GPC1: variants seen among roughly 807,000 people sequenced by gnomAD.
GPC1 encodes glypican 1.
GPC1 carries 26 observed loss-of-function variants against 51.5 expected under a neutral mutation model. The ratio of observed to expected loss-of-function variants is 0.50; its 90% CI spans 0.37 to 0.70. The LOEUF is 0.70. Among genes scored for constraint, GPC1 ranks in the 30% least tolerant of loss-of-function variants. The pLI is 0.00. For synonymous variants in GPC1, 380 were observed against 348.3 expected (o/e 1.09, Z -1.01); for missense variants, 775 against 800.5 (o/e 0.97, Z 0.38).
rs768455587 is a variant in GPC1, at chr2:240,464,689, G to T, written c.957G>T (p.Thr319=). The change falls in exon 5 of 9, where the codon ACG becomes ACT. Residue 319 remains threonine (T), a synonymous_variant. Coordinates refer to ENST00000264039, the MANE Select transcript of GPC1 (RefSeq NM_002081.3). The stretch of plus-strand genomic sequence containing the variant: ...AGAGTGTCATCGGCAGCGTGCACAC[G>T]TGGCTGGCGGAGGCCATCAACGCCC... ...GVESVIGSVH[T]WLAEAINALQ... is the part of the protein sequence containing the mutation. 5 of 1,612,656 alleles carry T rather than the reference G, an allele frequency of 3.1e-6. No homozygotes were observed. Among genetic ancestry groups the T allele is most frequent in the Admixed American group, 3.3e-5 (2 of 59,948 alleles).
Position 240,462,440 on chromosome 2 carries a change from T to C in GPC1, c.575T>C (p.Leu192Pro), listed in dbSNP as rs1028560427. The C allele has an allele frequency of 2.5e-6, 4 of 1,606,264 alleles. No homozygotes were observed. The highest frequency in any genetic ancestry group is 1.3e-5 in the African/African-American group (1 of 74,764). Residue 192 changes from leucine (L) to proline (P), a missense_variant, in exon 3 of 9, where the codon CTG (leucine) becomes CCG (proline). Transcript: ENST00000264039. ...CTGCCTGATGACTACCTGGACTGCC[T>C]GGGCAAGCAGGCCGAGGCGCTGCGG... ...LLLPDDYLDCLGKQAEALRPF... is the reference protein window; with the variant it reads ...LLLPDDYLDCPGKQAEALRPF...
At chr2:240,437,306 G>A (rs2151784245) in intron 1 of GPC1, among the ~76,000 whole-genome samples, 1 of 152,232 alleles carries the variant, frequency 6.6e-6, no homozygotes, top group Non-Finnish European at 1.5e-5. Context: ...TGCCCCTCCA[G>A]GAGGAACAGA....
At position 240,463,574 on chromosome 2, in the gene GPC1, T is replaced by TG. The variant is rs2074235576; in HGVS notation, c.883+68dup. 7 of 1,464,182 alleles carry TG rather than the reference T, an allele frequency of 4.8e-6. No individual in the cohort carries two copies. In the Admixed American group the frequency reaches 5.3e-5, roughly 11 times the overall value. The allele number at this position is 1,464,182 out of a possible 1,614,324, so 90.7% of individuals were successfully genotyped here. ...TTGGGGAGTGCACGACTGGGGGTCC[T>TG]GGGGGGCGGGTGGTCCCTAGCTTAG... On this transcript the variant is annotated intron_variant, in intron 4 of 8. Coordinates refer to ENST00000264039, the MANE Select transcript of GPC1 (RefSeq NM_002081.3).
chr2:240,461,916 C>G (rs1000892946), intron 2 of GPC1, among the ~76,000 whole-genome samples: 1 of 152,102 alleles, frequency 6.6e-6, no homozygotes. Context: ...GCCCAGGGCT[C>G]AGCTCAGAAA....
intron 1 of GPC1, among the ~76,000 whole-genome samples, chr2:240,440,922 C>T (rs1343295961): frequency 6.6e-6 from 1 of 152,252 alleles, no homozygotes; most frequent in African/African-American, 2.4e-5. Flanking sequence ...GAGGGCTGTT[C>T]CCAGCGTGTG....
At chr2:240,460,445 C>T (rs1030715355) in intron 2 of GPC1, among the ~76,000 whole-genome samples, 2 of 152,308 alleles carry the variant, frequency 1.3e-5, no homozygotes, top group Middle Eastern at 3.4e-3. Flanking sequence ...TCCCCAGCGC[C>T]GCTGAGCCCT....
intron 1 of GPC1, chr2:240,457,325 G>A (rs529574338): frequency 4.5e-4 from 199 of 437,552 alleles, no homozygotes; most frequent in Non-Finnish European, 8.1e-4. Context: ...AGGCACAGAG[G>A]CTACAGGGGC....
Position 240,435,840 on chromosome 2 carries a change from G to C in GPC1, c.-79G>C, listed in dbSNP as rs2073979652. ...CGCCGGGACCTTGGCTCTGCCCTTC[G>C]CGGGCGGGAACTGCGCAGGACCCGG... On this transcript the variant is annotated 5_prime_UTR_variant, in exon 1 of 9. Coordinates refer to ENST00000264039, the MANE Select transcript of GPC1 (RefSeq NM_002081.3). The C allele has an allele frequency of 1.0e-6, 1 of 956,430 alleles. No homozygotes were observed. Among genetic ancestry groups the C allele is most frequent in the Non-Finnish European group, 1.3e-6 (1 of 744,914 alleles). The allele number at this position is 956,430 out of a possible 1,614,324, so 59.2% of individuals were successfully genotyped here. A position where few individuals can be genotyped will look rare whatever the true frequency, so the allele number is the denominator to read the frequency against.
chr2:240,458,979 G>A lies in GPC1; in HGVS notation c.167-51G>A, dbSNP rs554979537. ...AGGAGAGCCTGAGGGTGCCCTCCTG[G>A]CTCCCAGTGCTGTCCCAGCCCCTCT... On this transcript the variant is annotated intron_variant, in intron 1 of 8. Transcript: ENST00000264039. 3.8e-6 allele frequency: 6 copies of A among 1,566,592 alleles called. No homozygotes were observed. The Admixed American group carries it at 8.5e-5, about 22-fold the overall frequency.
intron 1 of GPC1, among the ~76,000 whole-genome samples, chr2:240,440,840 A>G (rs1259531120): frequency 6.6e-6 from 1 of 152,162 alleles, no homozygotes. Context: ...CCGCCCAGAG[A>G]GTCGTACTTC....
chr2:240,457,105 C>T lies in GPC1; in HGVS notation c.167-1925C>T, dbSNP rs995185813. On this transcript the variant is annotated intron_variant, in intron 1 of 8. Transcript: ENST00000264039. ...TCTGCAGCATGGGCACATGTAAGTC[C>T]AGGCCCTGGGGAATCCCTGGACCTG... is the stretch of plus-strand genomic sequence containing the variant. Among the ~76,000 whole-genome samples the T allele has an allele frequency of 5.3e-5, 8 of 152,302 alleles. No homozygotes were observed. In the South Asian group the frequency reaches 1.7e-3, roughly 32 times the overall value.
chr2:240,437,367 G>C (rs2073990673), intron 1 of GPC1, among the ~76,000 whole-genome samples: 1 of 151,556 alleles, frequency 6.6e-6, no homozygotes, highest in Non-Finnish European at 1.5e-5. Flanking sequence ...CCCCCAGCCT[G>C]AGGTTCTTGT....
At chr2:240,450,409 C>T (rs547993132) in intron 1 of GPC1, 32 of 353,580 alleles carry the variant, frequency 9.1e-5, no homozygotes, top group African/African-American at 6.4e-4. Context: ...TAAGGCTGTT[C>T]CTCGTGCTGG....
At chr2:240,441,771 G>A (rs1188291424) in intron 1 of GPC1, among the ~76,000 whole-genome samples, 2 of 152,220 alleles carry the variant, frequency 1.3e-5, no homozygotes, top group Non-Finnish European at 2.9e-5. Context: ...GTGCAGTGTA[G>A]GGTGTTGAGG....
intron 1 of GPC1, chr2:240,456,626 C>T (rs2074167130): frequency 2.1e-6 from 1 of 470,712 alleles, no homozygotes; most frequent in Admixed American, 2.4e-5. Flanking sequence ...CTGTGCTCTC[C>T]TGGTCTGGGC....
At chr2:240,463,173 C>T (rs1486599736) in intron 3 of GPC1, among the ~76,000 whole-genome samples, 174 bp from the exon 4 acceptor site, 3 of 151,992 alleles carry the variant, frequency 2.0e-5, no homozygotes, top group South Asian at 2.1e-4. Flanking sequence ...AAATGAGGGC[C>T]GTCTGGGCTG....
intron 1 of GPC1, among the ~76,000 whole-genome samples, chr2:240,440,185 A>T (rs765090388): frequency 6.6e-6 from 1 of 151,868 alleles, no homozygotes; most frequent in Non-Finnish European, 1.5e-5. Flanking sequence ...GCCCACACAC[A>T]CCCCTCTCAG....
rs2074072249 is a variant in GPC1 at position 240,448,922 on chromosome 2, G to A, written c.167-10108G>A. On this transcript the variant is annotated intron_variant, in intron 1 of 8. Transcript: ENST00000264039. The surrounding 1 kb of genome is among the most constrained non-coding windows in gnomAD (Gnocchi z 4.5). Reference sequence around the variant, plus strand: ...CCATACCTGGGCTCGGGGTGCCCAGGTATCAAGCCTGGGCTTCTCATTTCC... The same window carrying A: ...CCATACCTGGGCTCGGGGTGCCCAGATATCAAGCCTGGGCTTCTCATTTCC... Among the ~76,000 whole-genome samples, 1 of 152,048 alleles carries A rather than the reference G, an allele frequency of 6.6e-6. No homozygotes were observed. The highest frequency in any genetic ancestry group is 6.5e-5 in the Admixed American group (1 of 15,276).
Position 240,466,941 on chromosome 2 carries a change from C to G in GPC1, c.*651C>G, listed in dbSNP as rs1369909627. Reference sequence around the variant, plus strand: ...GTCTGAGGACTGTCCTCCCACAGACCTGCAGTGAGGGGCCCTCCATGCGCA... The same window carrying G: ...GTCTGAGGACTGTCCTCCCACAGACGTGCAGTGAGGGGCCCTCCATGCGCA... On this transcript the variant is annotated 3_prime_UTR_variant, in exon 9 of 9. Coordinates refer to ENST00000264039, the MANE Select transcript of GPC1 (RefSeq NM_002081.3). The G allele has an allele frequency of 6.6e-6, 1 of 152,310 alleles. No homozygotes were observed. Among genetic ancestry groups the G allele is most frequent in the Non-Finnish European group, 1.5e-5 (1 of 68,082 alleles). 9.4% of individuals were successfully genotyped at this position (152,310 alleles called of 1,614,324 possible).
Sources: gnomAD v4.1 joint callset for allele counts (sites outside exome capture counted in the v4.1 genomes callset) on GRCh38, gnomAD v4.1.1 for gene constraint, Gnocchi (gnomAD v3.1) non-coding constraint, MANE v1.5 for transcripts, NCBI Gene and HGNC (gene_info 2026-07-23, HGNC 2026-07-21) for gene names.